Variants in BMPR1B observed in about 807,000 individuals in gnomAD.
BMPR1B encodes the protein bone morphogenetic protein receptor type-1B.
Under a neutral mutation model 59.1 loss-of-function variants are expected in BMPR1B, and 12 were observed. That is an observed-to-expected ratio of 0.20 (90% CI 0.13 to 0.33). BMPR1B has a LOEUF of 0.33. Ranked by LOEUF, BMPR1B falls within the 10% of genes least tolerant of loss-of-function variation. The pLI is 1.00. For missense variants in BMPR1B, 550 were observed against 610.9 expected (o/e 0.90, Z 1.05); for synonymous variants, 237 against 207.3 (o/e 1.14, Z -1.23).
At chr4:95,107,771 A>G (rs185934217) in intron 4 of BMPR1B, among the ~76,000 whole-genome samples, 16 of 152,224 alleles carry the variant, frequency 1.1e-4, no homozygotes, top group Admixed American at 1.3e-4. Context: ...GCCAGCGGCC[A>G]GTTCTGACAT....
chr4:94,969,573 A>G (rs1303957679), intron 2 of BMPR1B, among the ~76,000 whole-genome samples: 2 of 152,236 alleles, frequency 1.3e-5, no homozygotes, highest in African/African-American at 4.8e-5. Context: ...TTTTAAAAAT[A>G]TTTTAAGGAT....
chr4:95,037,414 A>G (rs1725338619), intron 3 of BMPR1B, among the ~76,000 whole-genome samples: 1 of 152,184 alleles, frequency 6.6e-6, no homozygotes. Context: ...ATGTTTGAGA[A>G]AAGAGGTTAT....
chr4:95,126,799 T>C (rs977674453), intron 8 of BMPR1B, among the ~76,000 whole-genome samples: 1 of 152,180 alleles, frequency 6.6e-6, no homozygotes, highest in Non-Finnish European at 1.5e-5. Context: ...AATGCAGAGG[T>C]ATACAGTTCT....
chr4:94,777,106 A>C (rs1232033379), intron 1 of BMPR1B, among the ~76,000 whole-genome samples: 1 of 152,172 alleles, frequency 6.6e-6, no homozygotes, highest in Non-Finnish European at 1.5e-5. Context: ...GAACATCTTT[A>C]TGAATAGGTC....
intron 2 of BMPR1B, among the ~76,000 whole-genome samples, chr4:94,922,534 T>C (rs1215091078): frequency 1.3e-5 from 2 of 152,208 alleles, no homozygotes; most frequent in Non-Finnish European, 2.9e-5. Flanking sequence ...ATTATTTTTG[T>C]TCTTTCTAAG....
intron 1 of BMPR1B, among the ~76,000 whole-genome samples, chr4:94,831,554 G>A (rs1165661449): frequency 6.6e-6 from 1 of 152,112 alleles, no homozygotes; most frequent in Non-Finnish European, 1.5e-5. Flanking sequence ...TCCATTCATG[G>A]TAAGTGCCCT....
At chr4:94,777,777 G>A (rs761713236) in intron 1 of BMPR1B, among the ~76,000 whole-genome samples, 47 of 152,110 alleles carry the variant, frequency 3.1e-4, no homozygotes, top group Admixed American at 1.6e-3. Context: ...TGTAATCCCA[G>A]CACTTTGGGA....
At chr4:94,927,072 A>G (rs993856397) in intron 2 of BMPR1B, among the ~76,000 whole-genome samples, 2 of 152,158 alleles carry the variant, frequency 1.3e-5, no homozygotes, top group African/African-American at 4.8e-5. Flanking sequence ...GTGAACTCAG[A>G]TGATCTGGAC....
rs897952988 is a variant in BMPR1B, at chr4:95,158,262, C to T, written c.*3589C>T. The T allele has an allele frequency of 2.6e-5, 4 of 152,066 alleles. No homozygotes were observed. The highest frequency in any genetic ancestry group is 7.2e-5 in the African/African-American group (3 of 41,410). The allele number at this position is 152,066 out of a possible 1,614,324, so 9.4% of individuals were successfully genotyped here. A position where few individuals can be genotyped will look rare whatever the true frequency, so the allele number is the denominator to read the frequency against. On this transcript the variant is annotated 3_prime_UTR_variant, in exon 13 of 13. Coordinates refer to ENST00000515059, the MANE Select transcript of BMPR1B (RefSeq NM_001203.3). ...AGAAAAGTTGGCAATATAGGGGTTTCGTTGTCTGTTTCACAAGAAGACTCA... is the reference window on the plus strand; with the variant it reads ...AGAAAAGTTGGCAATATAGGGGTTTTGTTGTCTGTTTCACAAGAAGACTCA...
At chr4:95,123,787 G>A in intron 6 of BMPR1B, 23 bp from the exon 7 acceptor site, 2 of 1,513,998 alleles carry the variant, frequency 1.3e-6, no homozygotes, top group Admixed American at 1.7e-5. Flanking sequence ...CTTGATTATG[G>A]CTCTTTTTCT....
chr4:94,895,450 A>T (rs1272031553), intron 2 of BMPR1B, among the ~76,000 whole-genome samples: 2 of 151,936 alleles, frequency 1.3e-5, no homozygotes, highest in Non-Finnish European at 2.9e-5. Flanking sequence ...CTAGTATTCT[A>T]AAAACCAATT....
At chr4:95,114,322 A>G (rs1397087867) in intron 4 of BMPR1B, among the ~76,000 whole-genome samples, 1 of 152,096 alleles carries the variant, frequency 6.6e-6, no homozygotes, top group Non-Finnish European at 1.5e-5. Context: ...CAGTTTCCTC[A>G]TATAGAAAGC....
At chr4:94,920,329 T>C (rs1728641082) in intron 2 of BMPR1B, among the ~76,000 whole-genome samples, 1 of 152,214 alleles carries the variant, frequency 6.6e-6, no homozygotes, top group Non-Finnish European at 1.5e-5. Context: ...TCTGATTCTT[T>C]TTATTGAAAT....
intron 1 of BMPR1B, among the ~76,000 whole-genome samples, chr4:94,814,116 CAAATCCG>C (rs901091210): frequency 1.3e-5 from 2 of 152,116 alleles, no homozygotes; most frequent in African/African-American, 4.8e-5. Flanking sequence ...GCAAATGACT[CAAATCCG>C]ATCTGTTCAG....
chr4:94,935,754 A>G (rs916612650), intron 2 of BMPR1B, among the ~76,000 whole-genome samples: 7 of 152,244 alleles, frequency 4.6e-5, no homozygotes, highest in African/African-American at 1.7e-4. Flanking sequence ...GAAAGAATAT[A>G]CAAGATTCAT....
chr4:95,119,317 A>G (rs540365742), intron 6 of BMPR1B, among the ~76,000 whole-genome samples: 1 of 152,304 alleles, frequency 6.6e-6, no homozygotes, highest in African/African-American at 2.4e-5. Context: ...TTCTATCTGT[A>G]TAAAAATATT....
At chr4:94,882,491 C>T (rs1236008628) in intron 2 of BMPR1B, among the ~76,000 whole-genome samples, 1 of 152,156 alleles carries the variant, frequency 6.6e-6, no homozygotes, top group Non-Finnish European at 1.5e-5. Context: ...GTATAGCTGC[C>T]TTCTACTGTG....
chr4:94,913,263 GTTTACATTATTAGCTTATAACC>G (rs905289080), intron 2 of BMPR1B, among the ~76,000 whole-genome samples: 1 of 152,092 alleles, frequency 6.6e-6, no homozygotes, highest in Non-Finnish European at 1.5e-5. Context: ...ATGCTGTGAG[GTTTACATTATTAGCTTATAACC>G]TTATGTAAGT....
chr4:94,873,650 T>C (rs1261092403), intron 1 of BMPR1B, among the ~76,000 whole-genome samples: 3 of 152,154 alleles, frequency 2.0e-5, no homozygotes, highest in Non-Finnish European at 4.4e-5. Context: ...CCTTGTGATC[T>C]GCCCACCTCG....
Sources: allele counts gnomAD v4.1 joint callset (sites outside exome capture counted in the v4.1 genomes callset), GRCh38; gene constraint gnomAD v4.1.1; transcripts MANE v1.5; gene names NCBI Gene and HGNC (gene_info 2026-07-23, HGNC 2026-07-21).